Variants in CACNA2D4 observed in about 807,000 individuals in gnomAD.
The protein encoded by CACNA2D4 is voltage-dependent calcium channel subunit alpha-2/delta-4.
In CACNA2D4, 157 loss-of-function variants were observed where a neutral mutation model predicts 163.8. The observed-to-expected ratio is 0.96, with a 90% confidence interval of 0.84 to 1.09. The LOEUF (loss-of-function observed/expected upper bound fraction) is 1.09. CACNA2D4 is among the 50% of genes least tolerant of loss of function. The pLI is 0.00. For missense variants in CACNA2D4, 1,410 were observed against 1,479.9 expected, an observed-to-expected ratio of 0.95 and a Z score of 0.78; for synonymous variants, 598 against 586.9, an observed-to-expected ratio of 1.02 and a Z score of -0.27.
At chr12:1,803,547 T>A (rs1319664320) in intron 29 of CACNA2D4, among the ~76,000 whole-genome samples, 1 of 152,182 alleles carries the variant, frequency 6.6e-6, no homozygotes, top group African/African-American at 2.4e-5. Flanking sequence ...ATGGCTGACT[T>A]ATAAAATTAA....
intron 26 of CACNA2D4, chr12:1,831,168 A>G: frequency 1.2e-6 from 2 of 1,613,992 alleles, no homozygotes; most frequent in Non-Finnish European, 1.7e-6. Flanking sequence ...GGACCTGTCC[A>G]ACAACTTCCT....
chr12:1,820,042 T>C lies in CACNA2D4; in HGVS notation c.2552-8319A>G, dbSNP rs913311545. On this transcript the variant is annotated intron_variant, in intron 26 of 37. Transcript: ENST00000382722. This position sits in a 1 kb window ranked among gnomAD's most constrained non-coding sequence, Gnocchi z 6.0. ...CATGCCTGTGTACCCTTCTTTCGTA[T>C]GACCGAGAGAAGGGTTCGGTTTTTC... Among the ~76,000 whole-genome samples the C allele has an allele frequency of 9.2e-5, 14 of 152,218 alleles. No homozygotes were observed. The highest frequency in any genetic ancestry group is 2.1e-4 in the Non-Finnish European group (14 of 68,036).
intron 6 of CACNA2D4, among the ~76,000 whole-genome samples, chr12:1,904,290 G>T (rs1170296961): frequency 1.3e-5 from 2 of 151,888 alleles, no homozygotes; most frequent in African/African-American, 4.8e-5. Flanking sequence ...GAATGGATAA[G>T]ATCTAGTATT....
chr12:1,827,857 C>G (rs73046076), intron 26 of CACNA2D4: 1 of 367,812 alleles, frequency 2.7e-6, no homozygotes, highest in African/African-American at 2.1e-5. Flanking sequence ...GCACTGTGCC[C>G]GACCCTCGGG....
intron 35 of CACNA2D4, among the ~76,000 whole-genome samples, 192 bp downstream of exon 35, chr12:1,797,226 C>T (rs2154445077): frequency 6.6e-6 from 1 of 152,360 alleles, no homozygotes; most frequent in East Asian, 1.9e-4. Flanking sequence ...TCAGACCGTC[C>T]GCCTCCTGCG....
At position 1,909,944 on chromosome 12, in the gene CACNA2D4, C is replaced by G; in HGVS notation, c.448G>C (p.Glu150Gln). 1 of 1,613,844 alleles carries G rather than the reference C, an allele frequency of 6.2e-7. No individual in the cohort carries two copies. Among genetic ancestry groups the G allele is most frequent in the Non-Finnish European group, 8.5e-7 (1 of 1,179,808 alleles). The change falls in exon 4 of 38, where the codon GAG becomes CAG. Residue 150 changes from glutamate to glutamine, a missense_variant. Glu to Gln is a conservative substitution (Grantham distance 29). Coordinates refer to ENST00000382722, the MANE Select transcript of CACNA2D4 (RefSeq NM_172364.5). The part of the protein sequence containing the change: ...AVQNLVEAAE[E>Q]ADLNHEFNES... ...TTGAATTCGTGGTTCAGGTCGGCCT[C>G]CTCGGCAGCTTCCACCAGATTCTGA...
At chr12:1,908,969 G>T (rs915568894) in intron 4 of CACNA2D4, among the ~76,000 whole-genome samples, 23 of 152,084 alleles carry the variant, frequency 1.5e-4, no homozygotes, top group Admixed American at 3.9e-4. Context: ...GGCCCGCGCT[G>T]GCCTTCCACG....
intron 30 of CACNA2D4, 27 bp from the exon 31 acceptor site, chr12:1,801,145 A>G (rs1404024487): frequency 6.3e-7 from 1 of 1,597,790 alleles, no homozygotes; most frequent in East Asian, 2.2e-5. Context: ...GGCTGTGATG[A>G]GTCCAAAGCC....
rs369781889 is a variant in CACNA2D4, at chr12:1,917,222, A to G, written c.227+1025T>C. Among the ~76,000 whole-genome samples, 138 of 152,258 alleles carry G rather than the reference A, an allele frequency of 9.1e-4. 2 individuals carry two copies. The highest frequency in any genetic ancestry group is 3.2e-3 in the African/African-American group (133 of 41,550). On this transcript the variant is annotated intron_variant, in intron 1 of 37. Transcript: ENST00000382722. The surrounding 1 kb of genome is among the most constrained non-coding windows in gnomAD (Gnocchi z 4.3). ...GTTTCCTCAGCTGCAAAATAGGGATAAAAATAAGCCCCCACTGAATGGCTC... is the reference window on the plus strand; with the variant it reads ...GTTTCCTCAGCTGCAAAATAGGGATGAAAATAAGCCCCCACTGAATGGCTC...
intron 1 of CACNA2D4, among the ~76,000 whole-genome samples, chr12:1,915,397 G>C (rs1339356286): frequency 6.6e-6 from 1 of 152,210 alleles, no homozygotes; most frequent in African/African-American, 2.4e-5. Context: ...GGCAGACTGA[G>C]AGGAGAGAAG....
intron 26 of CACNA2D4, chr12:1,827,924 GCTC>G: frequency 2.4e-6 from 1 of 411,402 alleles, no homozygotes. Context: ...AGGCTTCCTG[GCTC>G]CTCTTCTTCC....
In CACNA2D4 at chr12:1,913,053, G is replaced by A; in HGVS notation, c.396C>T (p.Asn132=). ...CCGCCTCGACTTTCCTCCGCAGCAT[G>A]TTCTCCATGTCCTCTGAGAACTTCC... ...LVRKFSEDME[N]MLRRKVEAVQ... Residue 132 remains asparagine (N), a synonymous_variant, in exon 3 of 38, where the codon AAC becomes AAT. Transcript: ENST00000382722. 6.2e-7 allele frequency: 1 copy of A among 1,613,704 alleles called. No individual in the cohort carries two copies. Among genetic ancestry groups the A allele is most frequent in the Non-Finnish European group, 8.5e-7 (1 of 1,179,640 alleles).
At chr12:1,864,813 A>AC (rs1865607673) in intron 18 of CACNA2D4, among the ~76,000 whole-genome samples, 1 of 152,208 alleles carries the variant, frequency 6.6e-6, no homozygotes. Flanking sequence ...AGAATTGCCG[A>AC]TGGCTGCCCG....
chr12:1,797,139 G>A (rs1863152933), intron 35 of CACNA2D4, among the ~76,000 whole-genome samples: 1 of 152,210 alleles, frequency 6.6e-6, no homozygotes, highest in African/African-American at 2.4e-5. Flanking sequence ...GGCGGGGTGG[G>A]CTCGACACAC....
rs1864532924 is a variant in CACNA2D4, at chr12:1,829,724, G to GGCT, written c.2551+11014_2551+11015insAGC. ...CCCGACCTGGGACAGCCAGGTCCCA[G>GGCT]GTCCCATGTCAGGGTGGGCCGATGG... On this transcript the variant is annotated intron_variant, in intron 26 of 37. Transcript: ENST00000382722. The surrounding 1 kb of genome is among the most constrained non-coding windows in gnomAD (Gnocchi z 4.2). 6.7e-6 allele frequency among the ~76,000 whole-genome samples: 1 copy of GGCT among 149,044 alleles called. No individual in the cohort carries two copies. The highest frequency in any genetic ancestry group is 6.7e-5 in the Admixed American group (1 of 15,020).
intron 12 of CACNA2D4, 126 bp downstream of exon 12, chr12:1,884,117 C>G: frequency 1.4e-6 from 1 of 724,648 alleles, no homozygotes; most frequent in Non-Finnish European, 2.3e-6. Flanking sequence ...GGCTGCTGTT[C>G]TTGACATAGC....
chr12:1,904,151 G>A (rs1866601363), intron 6 of CACNA2D4, among the ~76,000 whole-genome samples: 1 of 151,980 alleles, frequency 6.6e-6, no homozygotes. Context: ...GCACTTTTTT[G>A]TGGGGGCTAA....
rs10848584 is a variant in CACNA2D4, at chr12:1,872,733, C to T, written c.1878+1871G>A. On this transcript the variant is annotated intron_variant, in intron 18 of 37. Coordinates refer to ENST00000382722, the MANE Select transcript of CACNA2D4 (RefSeq NM_172364.5). ...CAGACACTGCCTCGGCGGCCCCACA[C>T]CAGCAAAATGCCCTGCACAGAGTGG... 2.0e-5 allele frequency among the ~76,000 whole-genome samples: 3 copies of T among 152,054 alleles called. No homozygotes were observed. The South Asian group carries it at 6.2e-4, about 32-fold the overall frequency.
At position 1,875,665 on chromosome 12, in the gene CACNA2D4, C is replaced by T. The variant is rs185236206; in HGVS notation, c.1720-328G>A. 2.0e-5 allele frequency among the ~76,000 whole-genome samples: 3 copies of T among 152,294 alleles called. No homozygotes were observed. In the East Asian group the frequency reaches 5.8e-4, roughly 29 times the overall value. On this transcript the variant is annotated intron_variant, in intron 16 of 37. Coordinates refer to ENST00000382722, the MANE Select transcript of CACNA2D4 (RefSeq NM_172364.5). The surrounding 1 kb of genome is among the most constrained non-coding windows in gnomAD (Gnocchi z 4.0). The stretch of plus-strand genomic sequence containing the variant: ...TCACACAAAGCTGAAATCCATCTCC[C>T]TGTTACTTCCATCCACTGATCTTCC...
Sources: gnomAD v4.1 joint callset for allele counts (sites outside exome capture counted in the v4.1 genomes callset) on GRCh38, gnomAD v4.1.1 for gene constraint, Gnocchi (gnomAD v3.1) non-coding constraint, MANE v1.5 for transcripts, NCBI Gene and HGNC (gene_info 2026-07-23, HGNC 2026-07-21) for gene names.